FABP7: variants seen among roughly 807,000 people sequenced by gnomAD.
FABP7 encodes the protein fatty acid-binding protein, brain.
Under a neutral mutation model 14.2 loss-of-function variants are expected in FABP7, and 13 were observed. The ratio of observed to expected loss-of-function variants is 0.91; its 90% CI spans 0.59 to 1.45. The LOEUF is 1.45. Ranked by LOEUF, FABP7 falls within the 40% of genes most tolerant of loss-of-function variation. The probability of loss-of-function intolerance (pLI) is 0.00; values close to 1 mark genes in which losing one functional copy is unlikely to be tolerated. For missense variants in FABP7, 149 were observed against 157.6 expected (o/e 0.95, Z 0.29); for synonymous variants, 49 against 51.4 (o/e 0.95, Z 0.20).
At chr6:122,762,962 C>A in the FABP7 span, among the ~76,000 whole-genome samples, 1 of 152,100 alleles carries the variant, frequency 6.6e-6, no homozygotes, top group Admixed American at 6.5e-5. Context: ...GCCATACTGC[C>A]CAAGGTAATT....
At chr6:122,759,564 A>T in the FABP7 span, among the ~76,000 whole-genome samples, 6 of 152,222 alleles carry the variant, frequency 3.9e-5, no homozygotes, top group Non-Finnish European at 7.3e-5. Flanking sequence ...ACATTCTTCT[A>T]AGCACTTTAT....
At chr6:122,755,731 A>G in the FABP7 span, among the ~76,000 whole-genome samples, 1 of 151,918 alleles carries the variant, frequency 6.6e-6, no homozygotes, top group Admixed American at 6.6e-5. Context: ...TGCTGGGATT[A>G]CAAGCATGAG....
chr6:122,749,888 G>C, the FABP7 span, among the ~76,000 whole-genome samples: 2 of 152,124 alleles, frequency 1.3e-5, no homozygotes, highest in South Asian at 4.1e-4. Flanking sequence ...GCAGTTTATG[G>C]TTCCAGTATT....
chr6:122,753,793 CCG>C, the FABP7 span, among the ~76,000 whole-genome samples: 541 of 99,690 alleles, frequency 5.4e-3, 29 homozygotes, highest in African/African-American at 0.018. Flanking sequence ...CGCCCCCCCC[CCG>C]CCCACAGAAG....
upstream of FABP7, among the ~76,000 whole-genome samples, chr6:122,777,397 G>A (rs1038978053): frequency 6.6e-6 from 1 of 152,048 alleles, no homozygotes; most frequent in Non-Finnish European, 1.5e-5. Flanking sequence ...AGGGATGCCC[G>A]CCTCAAAAAA....
Position 122,779,735 on chromosome 6 carries a change from GC to G in FABP7, c.-59del. 1 of 1,519,978 alleles carries G rather than the reference GC, an allele frequency of 6.6e-7. No individual in the cohort carries two copies. Among genetic ancestry groups the G allele is most frequent in the Non-Finnish European group, 9.1e-7 (1 of 1,096,928 alleles). 94.2% of individuals were successfully genotyped at this position (1,519,978 alleles called of 1,614,324 possible). Reference sequence around the variant, plus strand: ...TGAGGTGTAAAGGGTCTTCTGAGCTGCAGTGGCAATTAGACCAGAAGATCCC... The same window carrying G: ...TGAGGTGTAAAGGGTCTTCTGAGCTGAGTGGCAATTAGACCAGAAGATCCC... On this transcript the variant is annotated 5_prime_UTR_variant, in exon 1 of 4. Coordinates refer to ENST00000368444, the MANE Select transcript of FABP7 (RefSeq NM_001446.5).
upstream of FABP7, among the ~76,000 whole-genome samples, chr6:122,775,929 C>G (rs998387850): frequency 6.6e-6 from 1 of 152,078 alleles, no homozygotes; most frequent in Admixed American, 6.6e-5. Flanking sequence ...GAATGGACAA[C>G]AGGCATATGA....
the FABP7 span, among the ~76,000 whole-genome samples, chr6:122,765,868 G>A: frequency 2.0e-5 from 3 of 151,768 alleles, no homozygotes; most frequent in Admixed American, 6.6e-5. Context: ...ATCATTTTCT[G>A]AGAATATACT....
upstream of FABP7, among the ~76,000 whole-genome samples, chr6:122,774,767 C>T (rs1780643623): frequency 7.0e-6 from 1 of 143,194 alleles, no homozygotes; most frequent in African/African-American, 2.7e-5. Context: ...CCTAAAGACT[C>T]TTCCAAAAAA....
chr6:122,773,775 TA>T, the FABP7 span, among the ~76,000 whole-genome samples: 1 of 152,150 alleles, frequency 6.6e-6, no homozygotes, highest in Non-Finnish European at 1.5e-5. Context: ...TCTATTTTGT[TA>T]AAAAGGAAAA....
chr6:122,761,275 A>G, the FABP7 span, among the ~76,000 whole-genome samples: 1 of 152,196 alleles, frequency 6.6e-6, no homozygotes, highest in Non-Finnish European at 1.5e-5. Flanking sequence ...AAAATGAGCC[A>G]AATACTATAG....
chr6:122,783,745 T>C lies in FABP7; in HGVS notation c.377T>C (p.Val126Ala), dbSNP rs369011834. Residue 126 changes from valine (V) to alanine (A), a missense_variant, in exon 4 of 4, where the codon GTT becomes GCT. Physicochemically the swap from Val to Ala is moderately conservative, Grantham distance 64. Transcript: ENST00000368444. ...CTTACTTTTGGTGATGTGGTTGCTG[T>C]TCGCCACTATGAGAAGGCATAAAAA... is the stretch of plus-strand genomic sequence containing the variant. ...MTLTFGDVVA[V>A]RHYEKA 2.5e-5 allele frequency: 40 copies of C among 1,607,908 alleles called. No homozygotes were observed. Among genetic ancestry groups the C allele is most frequent in the Non-Finnish European group, 3.1e-5 (37 of 1,178,206 alleles).
At chr6:122,779,235 C>T (rs552807954), upstream of FABP7, among the ~76,000 whole-genome samples, 39 of 152,292 alleles carry the variant, frequency 2.6e-4, no homozygotes, top group Non-Finnish European at 3.1e-4. Flanking sequence ...GAAAATAACA[C>T]ACACTATTCA....
chr6:122,771,532 G>T, the FABP7 span, among the ~76,000 whole-genome samples: 1 of 152,148 alleles, frequency 6.6e-6, no homozygotes, highest in Non-Finnish European at 1.5e-5. Flanking sequence ...CAGATCAGAG[G>T]ATCTATAGAA....
rs1484456828 is a variant in FABP7, at chr6:122,780,289, A to G, written c.74-2A>G. The G allele has an allele frequency of 5.6e-6, 9 of 1,613,960 alleles. No homozygotes were observed. The highest frequency in any genetic ancestry group is 6.8e-6 in the Non-Finnish European group (8 of 1,179,966). On this transcript the variant is annotated splice_acceptor_variant, in intron 1 of 3. Coordinates refer to ENST00000368444, the MANE Select transcript of FABP7 (RefSeq NM_001446.5). LOFTEE classifies it high-confidence loss of function. ...ACTGTACTGTTCCCTTTGCTATTTTAGGCGTGGGCTTTGCCACTAGGCAGG... is the reference window on the plus strand; with the variant it reads ...ACTGTACTGTTCCCTTTGCTATTTTGGGCGTGGGCTTTGCCACTAGGCAGG...
chr6:122,783,654 C>A, intron 3 of FABP7, 63 bp from the exon 4 acceptor site: 1 of 1,546,966 alleles, frequency 6.5e-7, no homozygotes, highest in South Asian at 1.3e-5. Context: ...ATATGATGAT[C>A]TTTAAAATTC....
the FABP7 span, among the ~76,000 whole-genome samples, chr6:122,753,780 T>TCCCCCCCCCCC: frequency 1.1e-4 from 5 of 45,018 alleles, no homozygotes; most frequent in East Asian, 7.2e-4. Context: ...TGGGTCCAAA[T>TCCCCCCCCCCC]CCCGCCCCCC....
chr6:122,779,819 T>C lies in FABP7; in HGVS notation c.25T>C (p.Trp9Arg), dbSNP rs1780737255. 1 of 1,614,036 alleles carries C rather than the reference T, an allele frequency of 6.2e-7. No individual in the cohort carries two copies. The highest frequency in any genetic ancestry group is 2.2e-5 in the East Asian group (1 of 44,884). Reference sequence around the variant, plus strand: ...GATGGTGGAGGCTTTCTGTGCTACCTGGAAGCTGACCAACAGTCAGAACTT... The same window carrying C: ...GATGGTGGAGGCTTTCTGTGCTACCCGGAAGCTGACCAACAGTCAGAACTT... MVEAFCAT[W>R]KLTNSQNFDE... Residue 9 changes from tryptophan (W) to arginine (R), a missense_variant, in exon 1 of 4, where the codon TGG becomes CGG. Trp to Arg is a moderately radical substitution (Grantham distance 101, BLOSUM62 -3). Transcript: ENST00000368444.
At chr6:122,773,125 G>A in the FABP7 span, among the ~76,000 whole-genome samples, 1 of 152,276 alleles carries the variant, frequency 6.6e-6, no homozygotes, top group African/African-American at 2.4e-5. Context: ...GCAGGCATCT[G>A]GTTGCAGGTT....
Sources: allele counts gnomAD v4.1 joint callset (sites outside exome capture counted in the v4.1 genomes callset), GRCh38; gene constraint gnomAD v4.1.1; transcripts MANE v1.5; gene names NCBI Gene and HGNC (gene_info 2026-07-23, HGNC 2026-07-21).